ADIPOR1: variants seen among roughly 807,000 people sequenced by gnomAD.
ADIPOR1 encodes adiponectin receptor 1, also known as adiponectin receptor protein 1.
In ADIPOR1, 15 loss-of-function variants were observed where a neutral mutation model predicts 37.5. That is an observed-to-expected ratio of 0.40 (90% CI 0.27 to 0.62). The LOEUF is 0.62. ADIPOR1 is among the 20% of genes least tolerant of loss of function. The probability of loss-of-function intolerance (pLI) is 0.42; values close to 1 mark genes in which losing one functional copy is unlikely to be tolerated. For synonymous variants in ADIPOR1, 173 were observed against 173.2 expected (o/e 1.00, Z 0.01); for missense variants, 286 against 478.0 (o/e 0.60, Z 3.75).
At chr1:202,941,937 C>T (rs1654106939) in intron 7 of ADIPOR1, 88 bp downstream of exon 7, 1 of 1,372,730 alleles carries the variant, frequency 7.3e-7, no homozygotes, top group South Asian at 1.4e-5. Context: ...ACTATATGAT[C>T]CCAGTCTCAT....
chr1:202,953,562 T>C (rs1030626271), intron 1 of ADIPOR1, among the ~76,000 whole-genome samples: 3 of 152,002 alleles, frequency 2.0e-5, no homozygotes, highest in Admixed American at 2.0e-4. Flanking sequence ...TAAGGGCTTA[T>C]GTGCATTTTC....
intron 1 of ADIPOR1, among the ~76,000 whole-genome samples, chr1:202,957,451 A>C (rs910815185): frequency 6.6e-6 from 1 of 150,506 alleles, no homozygotes; most frequent in Non-Finnish European, 1.5e-5. Context: ...TCTCCCAAAG[A>C]GCACCAGAAA....
intron 1 of ADIPOR1, among the ~76,000 whole-genome samples, chr1:202,952,097 T>G (rs1032055292): frequency 1.3e-5 from 2 of 152,026 alleles, no homozygotes; most frequent in Admixed American, 6.6e-5. Context: ...CTCAGGGAAA[T>G]GCAAATAAAA....
intron 6 of ADIPOR1, among the ~76,000 whole-genome samples, chr1:202,942,864 T>C (rs866767587): frequency 2.8e-5 from 3 of 108,536 alleles, no homozygotes; most frequent in Non-Finnish European, 6.1e-5. Context: ...CTTTTCTTTC[T>C]TTCTTTCTTT....
rs567694000 is a variant in ADIPOR1 at position 202,945,737 on chromosome 1, A to T, written c.431-568T>A. On this transcript the variant is annotated intron_variant, in intron 4 of 7. Transcript: ENST00000340990. ...AACCTGGATGAAGCTGAAGGCCACT[A>T]TTCTAAGTGAAGTAACTTAGGAATG... Among the ~76,000 whole-genome samples, 4 of 152,366 alleles carry T rather than the reference A, an allele frequency of 2.6e-5. No homozygotes were observed. The East Asian group carries it at 7.7e-4, about 29-fold the overall frequency.
intron 1 of ADIPOR1, among the ~76,000 whole-genome samples, chr1:202,956,013 T>A (rs992458433): frequency 1.3e-5 from 2 of 152,064 alleles, no homozygotes; most frequent in Admixed American, 6.6e-5. Flanking sequence ...TGACCTCAGG[T>A]GATCCACTCG....
intron 1 of ADIPOR1, among the ~76,000 whole-genome samples, chr1:202,952,183 C>T (rs935278019): frequency 6.6e-6 from 1 of 152,110 alleles, no homozygotes; most frequent in Non-Finnish European, 1.5e-5. Context: ...CCACCTCTAC[C>T]CCCATACAAA....
chr1:202,943,923 G>A lies in ADIPOR1; in HGVS notation c.640C>T (p.Leu214Phe). 6.2e-7 allele frequency: 1 copy of A among 1,613,624 alleles called. No homozygotes were observed. Among genetic ancestry groups the A allele is most frequent in the Middle Eastern group, 1.6e-4 (1 of 6,062 alleles). Residue 214 changes from leucine to phenylalanine, a missense_variant, in exon 6 of 8, where the codon CTT becomes TTT. Leu to Phe is a conservative substitution (Grantham distance 22). Transcript: ENST00000340990. ...GGGACAAAGCTCCCCATAATTAGAA[G>A]AGCAATCCCTGAATAGTCCAGTCTA... Reference protein sequence around the residue: ...FSKLDYSGIALLIMGSFVPWL... With the variant: ...FSKLDYSGIAFLIMGSFVPWL...
intron 1 of ADIPOR1, 149 bp from the exon 2 acceptor site, chr1:202,951,313 G>C: frequency 2.0e-6 from 1 of 503,690 alleles, no homozygotes; most frequent in South Asian, 3.0e-5. Context: ...ATCTATTCCT[G>C]TCCTCCCTCT....
At chr1:202,943,310 T>C (rs570427535) in intron 6 of ADIPOR1, among the ~76,000 whole-genome samples, 43 of 152,334 alleles carry the variant, frequency 2.8e-4, no homozygotes, top group Non-Finnish European at 5.3e-4. Flanking sequence ...AACACAAAGA[T>C]GTTTATGCTT....
chr1:202,945,216 T>C (rs201164064), intron 4 of ADIPOR1, 47 bp from the exon 5 acceptor site: 123 of 1,489,512 alleles, frequency 8.3e-5, no homozygotes, highest in Non-Finnish European at 1.0e-4. Flanking sequence ...AAAGGGAATG[T>C]GTACACTTTG....
rs775327056 is a variant in ADIPOR1 at position 202,941,564 on chromosome 1, T to C, written c.*9A>G. The C allele has an allele frequency of 4.4e-6, 7 of 1,600,900 alleles. No individual in the cohort carries two copies. The highest frequency in any genetic ancestry group is 1.1e-5 in the South Asian group (1 of 88,196). On this transcript the variant is annotated 3_prime_UTR_variant, in exon 8 of 8. Transcript: ENST00000340990. ...GGAAGTTCCTCCTCCACCCCGCAGG[T>C]GGGAAGGCTCAGAGAAGGGTGTCAT...
At chr1:202,943,069 T>C (rs367770985) in intron 6 of ADIPOR1, among the ~76,000 whole-genome samples, 19 of 152,224 alleles carry the variant, frequency 1.2e-4, no homozygotes, top group African/African-American at 4.6e-4. Flanking sequence ...GGTTTTACCA[T>C]GTCGGCCAGG....
chr1:202,941,740 A>G (rs1654096971), intron 7 of ADIPOR1, 39 bp from the exon 8 acceptor site: 1 of 1,579,018 alleles, frequency 6.3e-7, no homozygotes. Flanking sequence ...AGGATAATGC[A>G]AGGAGGAATA....
At chr1:202,951,421 A>C (rs1348796611) in intron 1 of ADIPOR1, among the ~76,000 whole-genome samples, 1 of 152,128 alleles carries the variant, frequency 6.6e-6, no homozygotes, top group East Asian at 1.9e-4. Flanking sequence ...TGGTTACTGC[A>C]CCAAACTGTC....
intron 2 of ADIPOR1, among the ~76,000 whole-genome samples, chr1:202,949,338 T>C (rs1179893011): frequency 6.7e-6 from 1 of 150,014 alleles, no homozygotes; most frequent in African/African-American, 2.4e-5. Flanking sequence ...CCCAGCACTT[T>C]GGGAGGCCGA....
chr1:202,951,402 T>C (rs1024223481), intron 1 of ADIPOR1, among the ~76,000 whole-genome samples: 1 of 152,182 alleles, frequency 6.6e-6, no homozygotes, highest in Non-Finnish European at 1.5e-5. Context: ...CTTGCTTTCA[T>C]ATGATCTATG....
Position 202,945,152 on chromosome 1 carries a change from A to G in ADIPOR1, c.448T>C (p.Phe150Leu). The G allele has an allele frequency of 6.2e-7, 1 of 1,610,320 alleles. No homozygotes were observed. Residue 150 changes from phenylalanine to leucine, a missense_variant, in exon 5 of 8, where the codon TTT becomes CTT. Coordinates refer to ENST00000340990, the MANE Select transcript of ADIPOR1 (RefSeq NM_015999.6). ...THLLGFVLFLFLGILTMLRPN... is the reference protein window; with the variant it reads ...THLLGFVLFLLLGILTMLRPN... The stretch of plus-strand genomic sequence containing the variant: ...CTGAGCATGGTCAAGATTCCCAAAA[A>G]GAGAAACAGCACGAAACCTGCAGGA...
chr1:202,945,556 C>T (rs952951337), intron 4 of ADIPOR1, among the ~76,000 whole-genome samples: 7 of 152,208 alleles, frequency 4.6e-5, no homozygotes, highest in Non-Finnish European at 1.0e-4. Context: ...AAGACACATG[C>T]ACATGTATGT....
Sources: allele counts gnomAD v4.1 joint callset (sites outside exome capture counted in the v4.1 genomes callset), GRCh38; gene constraint gnomAD v4.1.1; transcripts MANE v1.5; gene names NCBI Gene and HGNC (gene_info 2026-07-23, HGNC 2026-07-21).